Variants in ZNF407 observed in about 807,000 individuals in gnomAD.
ZNF407 encodes the protein zinc finger protein 407.
A neutral mutation model predicts 131.2 loss-of-function variants in ZNF407; 17 were observed. That is an observed-to-expected ratio of 0.13 (90% confidence interval 0.09 to 0.19). ZNF407 has a LOEUF of 0.19. Ranked by LOEUF, ZNF407 falls within the 10% of genes least tolerant of loss-of-function variation. The pLI is 1.00. For missense variants in ZNF407, 2,681 were observed against 2,830.6 expected, an observed-to-expected ratio of 0.95 and a Z score of 1.20; for synonymous variants, 1,156 against 1,062.0, an observed-to-expected ratio of 1.09 and a Z score of -1.72.
At chr18:74,930,004 C>T (rs1308653582) in intron 8 of ZNF407, among the ~76,000 whole-genome samples, 1 of 152,170 alleles carries the variant, frequency 6.6e-6, no homozygotes, top group South Asian at 2.1e-4. Context: ...CTTACGAAAG[C>T]CTGAGAATTT....
intron 3 of ZNF407, among the ~76,000 whole-genome samples, chr18:74,677,278 A>T (rs1415152588): frequency 6.6e-6 from 1 of 152,134 alleles, no homozygotes; most frequent in Non-Finnish European, 1.5e-5. Context: ...TTTTGTAGAC[A>T]TGGGGTTTCA....
chr18:74,607,091 G>T (rs1369449811), intron 1 of ZNF407, among the ~76,000 whole-genome samples: 1 of 152,204 alleles, frequency 6.6e-6, no homozygotes, highest in East Asian at 1.9e-4. Context: ...TCAGAGATTA[G>T]TTGTAGAACA....
chr18:74,869,575 A>G (rs949439443), intron 4 of ZNF407, among the ~76,000 whole-genome samples: 1 of 152,188 alleles, frequency 6.6e-6, no homozygotes, highest in Non-Finnish European at 1.5e-5. Flanking sequence ...ATGGGGCTTA[A>G]TGGACCTTTG....
chr18:74,999,854 G>A (rs1972825068), intron 8 of ZNF407, among the ~76,000 whole-genome samples: 1 of 152,134 alleles, frequency 6.6e-6, no homozygotes, highest in Admixed American at 6.5e-5. Context: ...GACACAATGT[G>A]TTACATGAAA....
At chr18:74,755,728 C>CCTTTCTCTCTTTCTTTCTTTCTTT (rs1968926548) in intron 3 of ZNF407, among the ~76,000 whole-genome samples, 1 of 63,468 alleles carries the variant, frequency 1.6e-5, no homozygotes, top group Non-Finnish European at 2.8e-5. Flanking sequence ...TTCTTTCTTT[C>CCTTTCTCTCTTTCTTTCTTTCTTT]CTTTCTTTCT....
At chr18:74,743,745 T>C in intron 3 of ZNF407, among the ~76,000 whole-genome samples, 1 of 152,278 alleles carries the variant, frequency 6.6e-6, no homozygotes, top group Non-Finnish European at 1.5e-5. Context: ...TTCTTAGATA[T>C]GTTGTGTCTG....
At position 74,931,992 on chromosome 18, in the gene ZNF407, G is replaced by A. The variant is rs145908731; in HGVS notation, c.5428+11300G>A. Among the ~76,000 whole-genome samples, 127 of 151,614 alleles carry A rather than the reference G, an allele frequency of 8.4e-4. 2 individuals carry two copies. The East Asian group carries it at 0.014, about 16-fold the overall frequency. The stretch of plus-strand genomic sequence containing the variant: ...TAGTCTGAGACATGTCTTTTTTTCC[G>A]CCTCTTAACAGTGTGTTTCATACAG... On this transcript the variant is annotated intron_variant, in intron 8 of 8. Transcript: ENST00000299687.
intron 4 of ZNF407, among the ~76,000 whole-genome samples, chr18:74,827,764 C>T (rs1970428458): frequency 1.3e-5 from 2 of 152,132 alleles, no homozygotes; most frequent in African/African-American, 2.4e-5. Flanking sequence ...GACAAAGCTG[C>T]GAGGTTTGCA....
At chr18:74,952,839 A>G (rs557531967) in intron 8 of ZNF407, among the ~76,000 whole-genome samples, 12 of 152,212 alleles carry the variant, frequency 7.9e-5, no homozygotes, top group Middle Eastern at 3.2e-3. Flanking sequence ...TATCTGAATG[A>G]AGGGAAGGCC....
At chr18:75,037,217 C>A (rs967494393) in intron 8 of ZNF407, among the ~76,000 whole-genome samples, 1 of 152,114 alleles carries the variant, frequency 6.6e-6, no homozygotes, top group Non-Finnish European at 1.5e-5. Flanking sequence ...CATCATATTG[C>A]CTCATTTAGG....
intron 1 of ZNF407, among the ~76,000 whole-genome samples, chr18:74,604,907 C>G (rs956030733): frequency 3.3e-5 from 5 of 151,920 alleles, no homozygotes; most frequent in African/African-American, 9.7e-5. Context: ...ATAGTTCATG[C>G]ATAGTTCATC....
At chr18:74,664,688 C>T (rs927862830) in intron 3 of ZNF407, among the ~76,000 whole-genome samples, 2 of 152,090 alleles carry the variant, frequency 1.3e-5, no homozygotes, top group South Asian at 2.1e-4. Context: ...TGCTGCTCCT[C>T]CAGCTGTCTC....
At chr18:74,762,710 T>A (rs985870921) in intron 3 of ZNF407, among the ~76,000 whole-genome samples, 23 of 152,228 alleles carry the variant, frequency 1.5e-4, no homozygotes, top group African/African-American at 5.3e-4. Context: ...CTTTTTTTTT[T>A]TAAAATCATC....
chr18:74,948,930 C>T (rs1036652168), intron 8 of ZNF407, among the ~76,000 whole-genome samples: 1 of 152,112 alleles, frequency 6.6e-6, no homozygotes, highest in African/African-American at 2.4e-5. Context: ...GGTTTCATTT[C>T]AGTATGCAAA....
intron 8 of ZNF407, among the ~76,000 whole-genome samples, chr18:75,057,669 T>C (rs1186774479): frequency 2.0e-5 from 3 of 152,184 alleles, no homozygotes; most frequent in Admixed American, 6.5e-5. Context: ...TTAGGGAACA[T>C]TGATTGTTCT....
In ZNF407 at chr18:74,922,541, GATA is replaced by G. The variant is rs1227135503; in HGVS notation, c.5428+1853_5428+1855del. ...TTGAGATAATATAAAGTTCAGTTGA[GATA>G]ATATTTGGGAATTCATATATTAAAG... On this transcript the variant is annotated intron_variant, in intron 8 of 8. Coordinates refer to ENST00000299687, the MANE Select transcript of ZNF407 (RefSeq NM_017757.3). Among the ~76,000 whole-genome samples, 5 of 152,304 alleles carry G rather than the reference GATA, an allele frequency of 3.3e-5. No individual in the cohort carries two copies. The East Asian group carries it at 9.6e-4, about 29-fold the overall frequency.
chr18:74,791,594 A>G (rs923310234), intron 4 of ZNF407, among the ~76,000 whole-genome samples: 1 of 152,162 alleles, frequency 6.6e-6, no homozygotes, highest in Non-Finnish European at 1.5e-5. Context: ...ACAGAAAGCC[A>G]TGGCTCCCTG....
Position 74,632,532 on chromosome 18 carries a change from AGTGCCC to A in ZNF407, c.1516_1521del (p.Ala506_Arg507del). On this transcript the variant is annotated inframe_deletion, in exon 2 of 9. Coordinates refer to ENST00000299687, the MANE Select transcript of ZNF407 (RefSeq NM_017757.3). ...CCAGGAGGCAGAGCAGGGCCAGGGG[AGTGCCC>A]GTCCTCCGGACTCCGGGCTGCATTC... 2 of 1,614,038 alleles carry A rather than the reference AGTGCCC, an allele frequency of 1.2e-6. No individual in the cohort carries two copies. Among genetic ancestry groups the A allele is most frequent in the Non-Finnish European group, 1.7e-6 (2 of 1,179,906 alleles).
At chr18:74,806,863 A>G (rs1970117860) in intron 4 of ZNF407, among the ~76,000 whole-genome samples, 1 of 152,232 alleles carries the variant, frequency 6.6e-6, no homozygotes, top group South Asian at 2.1e-4. Flanking sequence ...TTCTAGGACT[A>G]TGAGTCACCT....
Sources: allele counts gnomAD v4.1 joint callset (sites outside exome capture counted in the v4.1 genomes callset), GRCh38; gene constraint gnomAD v4.1.1; transcripts MANE v1.5; gene names NCBI Gene and HGNC (gene_info 2026-07-23, HGNC 2026-07-21).